SH3GL2: variants seen among roughly 807,000 people sequenced by gnomAD.
The protein encoded by SH3GL2 is endophilin-A1.
A neutral mutation model predicts 46.0 loss-of-function variants in SH3GL2; 24 were observed. The observed-to-expected ratio is 0.52, with a 90% CI of 0.38 to 0.73. SH3GL2 has a LOEUF of 0.73. SH3GL2 is among the 30% of genes least tolerant of loss of function. The pLI is 0.00. For missense variants in SH3GL2, 413 were observed against 424.2 expected (o/e 0.97, Z 0.23); for synonymous variants, 196 against 147.1 (o/e 1.33, Z -2.40).
At chr9:17,747,604 C>G (rs112592627) in intron 2 of SH3GL2, among the ~76,000 whole-genome samples, 1,713 of 152,280 alleles carry the variant, frequency 0.011, 17 homozygotes, top group Middle Eastern at 0.034. Flanking sequence ...TTGGCCCAAA[C>G]TCCCCTTCCT....
intron 3 of SH3GL2, among the ~76,000 whole-genome samples, chr9:17,768,072 T>G (rs557331803): frequency 6.6e-6 from 1 of 152,222 alleles, no homozygotes; most frequent in Admixed American, 6.5e-5. Flanking sequence ...AGATCTTGCT[T>G]AAAAGATTCT....
chr9:17,619,059 G>A (rs1252314782), intron 1 of SH3GL2, among the ~76,000 whole-genome samples: 8 of 152,080 alleles, frequency 5.3e-5, no homozygotes, highest in Admixed American at 1.3e-4. Context: ...TTAACTGTGC[G>A]CTAGATACAA....
chr9:17,623,865 A>C (rs957707308), intron 1 of SH3GL2, among the ~76,000 whole-genome samples: 8 of 152,124 alleles, frequency 5.3e-5, no homozygotes, highest in Admixed American at 3.3e-4. Context: ...CCGCAGCACT[A>C]TTATCAACTT....
chr9:17,646,888 C>A (rs117403227), intron 1 of SH3GL2, among the ~76,000 whole-genome samples: 2,175 of 152,316 alleles, frequency 0.014, 22 homozygotes, highest in African/African-American at 0.023. Context: ...TGTCCGTTAT[C>A]AGAGGTCGAG....
At chr9:17,713,481 A>C (rs1301234072) in intron 1 of SH3GL2, among the ~76,000 whole-genome samples, 1 of 150,832 alleles carries the variant, frequency 6.6e-6, no homozygotes. Context: ...CAGTTTGTTA[A>C]GGTCATTCGT....
intron 1 of SH3GL2, among the ~76,000 whole-genome samples, chr9:17,657,741 A>G (rs989407522): frequency 4.6e-5 from 7 of 152,138 alleles, no homozygotes; most frequent in Admixed American, 3.9e-4. Flanking sequence ...AACGGGAACA[A>G]TAATGGTTGT....
At chr9:17,758,294 C>A (rs1447757799) in intron 2 of SH3GL2, among the ~76,000 whole-genome samples, 4 of 152,072 alleles carry the variant, frequency 2.6e-5, no homozygotes, top group African/African-American at 9.7e-5. Flanking sequence ...GGTGCAGTGA[C>A]TCATGCCTGT....
intron 1 of SH3GL2, chr9:17,591,153 T>A (rs1163649759): frequency 6.6e-6 from 1 of 152,168 alleles, no homozygotes; most frequent in East Asian, 1.9e-4. Flanking sequence ...ACCAAAAAAA[T>A]CACCTTACAT....
At chr9:17,746,107 C>T (rs775908979) in intron 1 of SH3GL2, among the ~76,000 whole-genome samples, 5 of 152,132 alleles carry the variant, frequency 3.3e-5, no homozygotes, top group East Asian at 3.9e-4. Flanking sequence ...GACAGAGTCT[C>T]GCTGTCGCCC....
intron 1 of SH3GL2, among the ~76,000 whole-genome samples, chr9:17,624,250 A>T (rs1819225773): frequency 6.6e-6 from 1 of 152,178 alleles, no homozygotes; most frequent in Non-Finnish European, 1.5e-5. Flanking sequence ...GATTTTTAAC[A>T]TCCTTTCACA....
intron 1 of SH3GL2, among the ~76,000 whole-genome samples, chr9:17,746,139 A>G (rs915656954): frequency 6.6e-6 from 1 of 152,106 alleles, no homozygotes; most frequent in Non-Finnish European, 1.5e-5. Flanking sequence ...CAGTGGTGGG[A>G]TCTCCGCTCA....
At position 17,765,979 on chromosome 9, in the gene SH3GL2, CT is replaced by C. The variant is rs1823306349; in HGVS notation, c.187+4474del. Reference sequence around the variant, plus strand: ...CAAAAAGTAGGAGGAAAAATTCTTCCTTTTCCCTAAATCATCAGATACTCAT... The same window carrying C: ...CAAAAAGTAGGAGGAAAAATTCTTCCTTTCCCTAAATCATCAGATACTCAT... On this transcript the variant is annotated intron_variant, in intron 3 of 8. Coordinates refer to ENST00000380607, the MANE Select transcript of SH3GL2 (RefSeq NM_003026.5). 2.0e-5 allele frequency among the ~76,000 whole-genome samples: 3 copies of C among 152,218 alleles called. No homozygotes were observed. In the South Asian group the frequency reaches 6.2e-4, roughly 32 times the overall value.
chr9:17,772,653 G>A (rs899948989), intron 3 of SH3GL2, among the ~76,000 whole-genome samples: 2 of 152,182 alleles, frequency 1.3e-5, no homozygotes, highest in Non-Finnish European at 2.9e-5. Flanking sequence ...GTTTACTTAT[G>A]TAATAGTGTA....
At chr9:17,750,193 T>C (rs1822804303) in intron 2 of SH3GL2, among the ~76,000 whole-genome samples, 1 of 152,188 alleles carries the variant, frequency 6.6e-6, no homozygotes, top group Non-Finnish European at 1.5e-5. Context: ...TAATTGATTA[T>C]TCACACAAAT....
At chr9:17,673,050 G>A (rs1820512988) in intron 1 of SH3GL2, among the ~76,000 whole-genome samples, 1 of 152,048 alleles carries the variant, frequency 6.6e-6, no homozygotes, top group Non-Finnish European at 1.5e-5. Flanking sequence ...ACCCTTACAC[G>A]TGGCTGTTTG....
At chr9:17,747,667 A>T (rs1441897775) in intron 2 of SH3GL2, among the ~76,000 whole-genome samples, 1 of 151,774 alleles carries the variant, frequency 6.6e-6, no homozygotes, top group African/African-American at 2.4e-5. Flanking sequence ...TTAAAATTTT[A>T]TTATTATTAT....
chr9:17,615,427 T>C (rs908039725), intron 1 of SH3GL2, among the ~76,000 whole-genome samples: 4 of 151,956 alleles, frequency 2.6e-5, no homozygotes, highest in Non-Finnish European at 2.9e-5. Context: ...GAGGCCGAGG[T>C]GGGCGGATCA....
At chr9:17,740,115 C>T (rs1024344802) in intron 1 of SH3GL2, among the ~76,000 whole-genome samples, 1 of 151,978 alleles carries the variant, frequency 6.6e-6, no homozygotes, top group Admixed American at 6.6e-5. Context: ...TTCCAATTTT[C>T]TTAAATATAC....
At chr9:17,691,775 C>T (rs1396734541) in intron 1 of SH3GL2, among the ~76,000 whole-genome samples, 1 of 152,034 alleles carries the variant, frequency 6.6e-6, no homozygotes, top group Non-Finnish European at 1.5e-5. Context: ...CTTATTTTTC[C>T]TGGAACTTTG....
Sources: allele counts gnomAD v4.1 joint callset (sites outside exome capture counted in the v4.1 genomes callset), GRCh38; gene constraint gnomAD v4.1.1; transcripts MANE v1.5; gene names NCBI Gene and HGNC (gene_info 2026-07-23, HGNC 2026-07-21).